Variants in BLTP1 observed in about 807,000 individuals in gnomAD.
BLTP1 encodes the protein bridge-like lipid transfer protein family member 1, also known as fragile site-associated protein.
the BLTP1 span, among the ~76,000 whole-genome samples, chr4:122,265,890 G>C: frequency 6.6e-5 from 10 of 152,152 alleles, no homozygotes; most frequent in African/African-American, 1.9e-4. Context: ...GTAGAGACAG[G>C]GTTTCACCGT....
At chr4:122,189,295 G>T in the BLTP1 span, 1 of 978,392 alleles carries the variant, frequency 1.0e-6, no homozygotes, top group Non-Finnish European at 1.2e-6. Context: ...ATTTTGATAT[G>T]CAAGAAGATA....
chr4:122,161,891 G>C, the BLTP1 span, among the ~76,000 whole-genome samples: 1 of 152,182 alleles, frequency 6.6e-6, no homozygotes, highest in African/African-American at 2.4e-5. Flanking sequence ...TTGAGAGACT[G>C]CTCAATGCCA....
At chr4:122,222,215 G>T in the BLTP1 span, among the ~76,000 whole-genome samples, 1 of 152,128 alleles carries the variant, frequency 6.6e-6, no homozygotes, top group African/African-American at 2.4e-5. Context: ...CTATTCCTAA[G>T]AATTTTTTTC....
the BLTP1 span, among the ~76,000 whole-genome samples, chr4:122,302,749 G>C: frequency 6.6e-6 from 1 of 152,196 alleles, no homozygotes; most frequent in Non-Finnish European, 1.5e-5. Context: ...GGAATGATAA[G>C]AAAGCCAAAC....
chr4:122,159,558 A>G, the BLTP1 span, among the ~76,000 whole-genome samples: 4 of 151,886 alleles, frequency 2.6e-5, 1 homozygote, highest in Admixed American at 2.6e-4. Flanking sequence ...TTTAGCTTTC[A>G]CTTTGTTGTT....
At chr4:122,328,229 AG>A in the BLTP1 span, 1 of 1,611,400 alleles carries the variant, frequency 6.2e-7, no homozygotes, top group Non-Finnish European at 8.5e-7. Flanking sequence ...GCTTTTCACC[AG>A]GCATTCCTTT....
the BLTP1 span, among the ~76,000 whole-genome samples, chr4:122,156,841 C>G: frequency 2.0e-5 from 3 of 152,040 alleles, no homozygotes; most frequent in African/African-American, 7.3e-5. Context: ...TACAAGGGCT[C>G]AGGTCAAGGG....
the BLTP1 span, among the ~76,000 whole-genome samples, chr4:122,259,209 T>C: frequency 1.3e-5 from 2 of 152,266 alleles, no homozygotes; most frequent in South Asian, 4.1e-4. Flanking sequence ...ATGATTTTAA[T>C]TTTTTTGGTT....
the BLTP1 span, chr4:122,232,242 C>A: frequency 2.0e-6 from 1 of 508,210 alleles, no homozygotes; most frequent in Non-Finnish European, 2.5e-6. Flanking sequence ...AACTTCTGAT[C>A]AGAGACTATA....
the BLTP1 span, among the ~76,000 whole-genome samples, chr4:122,267,252 G>C: frequency 6.6e-6 from 1 of 151,528 alleles, no homozygotes; most frequent in Admixed American, 6.6e-5. Flanking sequence ...GTAGAGACGG[G>C]GTTTCACTGT....
At chr4:122,158,201 A>C in the BLTP1 span, among the ~76,000 whole-genome samples, 1 of 152,236 alleles carries the variant, frequency 6.6e-6, no homozygotes, top group African/African-American at 2.4e-5. Flanking sequence ...AGAAACTTAC[A>C]GAATGTGTTT....
the BLTP1 span, chr4:122,298,724 G>A: frequency 4.6e-6 from 2 of 435,406 alleles, no homozygotes; most frequent in Non-Finnish European, 6.1e-6. Flanking sequence ...AAGTTAAGTA[G>A]TATAAATAGA....
chr4:122,152,374 C>A, the BLTP1 span: 1 of 985,840 alleles, frequency 1.0e-6, no homozygotes, highest in Non-Finnish European at 1.2e-6. Context: ...CCTCCTCCTC[C>A]GCCCCCTTGG....
At chr4:122,254,918 G>C in the BLTP1 span, 5 of 1,613,564 alleles carry the variant, frequency 3.1e-6, no homozygotes, top group Non-Finnish European at 4.2e-6. Context: ...TTGAGAATTT[G>C]TGCTGTTATG....
chr4:122,246,111 A>T, the BLTP1 span: 31 of 1,520,744 alleles, frequency 2.0e-5, no homozygotes, highest in East Asian at 7.4e-4. Flanking sequence ...TGTGGAAGTT[A>T]TGAAAAGCTT....
chr4:122,170,040 C>T, the BLTP1 span: 1 of 970,320 alleles, frequency 1.0e-6, no homozygotes, highest in Non-Finnish European at 1.2e-6. Context: ...GGCGCGGTGG[C>T]TCACGCATGT....
At chr4:122,305,087 T>C in the BLTP1 span, 7 of 1,286,920 alleles carry the variant, frequency 5.4e-6, no homozygotes, top group Admixed American at 2.0e-4. Context: ...AAATATTTAG[T>C]TTAATTTCCT....
At chr4:122,344,378 A>G in the BLTP1 span, 1 of 1,613,212 alleles carries the variant, frequency 6.2e-7, no homozygotes, top group Non-Finnish European at 8.5e-7. Flanking sequence ...TGTTTGTTTT[A>G]AAGGGAATGT....
chr4:122,167,973 A>G, the BLTP1 span: 1 of 821,388 alleles, frequency 1.2e-6, no homozygotes, highest in Non-Finnish European at 1.5e-6. Context: ...GTGATATACT[A>G]CTTCATGTGG....
Sources: gnomAD v4.1 joint callset for allele counts (sites outside exome capture counted in the v4.1 genomes callset) on GRCh38, gnomAD v4.1.1 for gene constraint, MANE v1.5 for transcripts, NCBI Gene and HGNC (gene_info 2026-07-23, HGNC 2026-07-21) for gene names.